Variants in COQ5 observed in about 807,000 individuals in gnomAD.
COQ5 encodes the protein coenzyme Q5, methyltransferase, also known as 2-methoxy-6-polyprenyl-1,4-benzoquinol methylase, mitochondrial.
COQ5 carries 27 observed loss-of-function variants against 40.5 expected under a neutral mutation model. The observed-to-expected ratio is 0.67, with a 90% CI of 0.49 to 0.92. The LOEUF is 0.92. COQ5 is among the 40% of genes least tolerant of loss of function. The pLI, the probability that COQ5 is intolerant of heterozygous loss-of-function variation, is 0.00. For missense variants in COQ5, 409 were observed against 406.4 expected (o/e 1.01, Z -0.06); for synonymous variants, 141 against 150.0 (o/e 0.94, Z 0.44).
chr12:120,508,395 A>G (rs1030673386), intron 4 of COQ5, among the ~76,000 whole-genome samples: 7 of 152,170 alleles, frequency 4.6e-5, no homozygotes, highest in African/African-American at 1.7e-4. Context: ...TCCAAACAAA[A>G]AAAAAGGAAA....
intron 1 of COQ5, chr12:120,522,767 T>C: frequency 1.5e-6 from 1 of 659,984 alleles, no homozygotes. Flanking sequence ...CCGACATAGC[T>C]TGAGCCCCTT....
At chr12:120,527,085 T>A (rs1160143348) in intron 1 of COQ5, 1 of 150,340 alleles carries the variant, frequency 6.7e-6, no homozygotes, top group African/African-American at 2.5e-5. Flanking sequence ...TTTATTAGAA[T>A]TTTTTTTCTT....
chr12:120,517,225 G>A (rs1424633115), intron 2 of COQ5, among the ~76,000 whole-genome samples: 2 of 151,850 alleles, frequency 1.3e-5, no homozygotes, highest in Admixed American at 6.6e-5. Flanking sequence ...GGTGGCAGGC[G>A]CCTGTTATCC....
intron 4 of COQ5, among the ~76,000 whole-genome samples, chr12:120,507,125 T>C (rs1336881309): frequency 6.6e-6 from 1 of 151,770 alleles, no homozygotes; most frequent in East Asian, 2.0e-4. Flanking sequence ...TGAGCTACTG[T>C]GCCCAGCACA....
At chr12:120,528,908 A>G in intron 1 of COQ5, 32 bp downstream of exon 1, 3 of 1,596,544 alleles carry the variant, frequency 1.9e-6, no homozygotes, top group Non-Finnish European at 2.6e-6. Context: ...GGACGGTCAG[A>G]TCCCTCCCAT....
chr12:120,514,678 G>C (rs1421663759), intron 3 of COQ5, among the ~76,000 whole-genome samples: 1 of 151,758 alleles, frequency 6.6e-6, no homozygotes, highest in Non-Finnish European at 1.5e-5. Flanking sequence ...GGGAGGCAGA[G>C]GTTGTAGTGA....
chr12:120,508,324 C>A (rs886701109), intron 4 of COQ5, among the ~76,000 whole-genome samples: 1 of 151,560 alleles, frequency 6.6e-6, no homozygotes, highest in Non-Finnish European at 1.5e-5. Context: ...TCTCAACTGG[C>A]TGCAGTGAGC....
chr12:120,527,568 ACTGT>A (rs902695468), intron 1 of COQ5, among the ~76,000 whole-genome samples: 2 of 152,128 alleles, frequency 1.3e-5, no homozygotes, highest in African/African-American at 4.8e-5. Context: ...CACAGCGAGG[ACTGT>A]CTGTACTGCA....
In COQ5 at chr12:120,516,874, A is replaced by G. The variant is rs193239972; in HGVS notation, c.353-86T>C. On this transcript the variant is annotated intron_variant, in intron 2 of 6. Transcript: ENST00000288532. ...AGCATTTCCTAAAACCCAAAGGGGT[A>G]ACAGAGGCACAGGAGTACCTGTGTT... 10 of 1,164,286 alleles carry G rather than the reference A, an allele frequency of 8.6e-6. No individual in the cohort carries two copies. The African/African-American group carries it at 1.4e-4, about 16-fold the overall frequency. 72.1% of individuals were successfully genotyped at this position (1,164,286 alleles called of 1,614,324 possible). A position where few individuals can be genotyped will look rare whatever the true frequency, so the allele number is the denominator to read the frequency against.
At chr12:120,522,533 GATTT>G (rs2137091381) in intron 1 of COQ5, 170 bp from the exon 2 acceptor site, 15 of 678,160 alleles carry the variant, frequency 2.2e-5, no homozygotes, top group Middle Eastern at 4.0e-4. Flanking sequence ...CCTCTTTATT[GATTT>G]ATTTTTTTTT....
At chr12:120,505,785 A>G (rs747673024) in intron 4 of COQ5, among the ~76,000 whole-genome samples, 8 of 151,862 alleles carry the variant, frequency 5.3e-5, no homozygotes, top group Admixed American at 3.9e-4. Flanking sequence ...CGAACTCCCA[A>G]TATCAGGTGG....
intron 3 of COQ5, among the ~76,000 whole-genome samples, chr12:120,513,211 A>G (rs1331107868): frequency 6.7e-6 from 1 of 149,700 alleles, no homozygotes; most frequent in African/African-American, 2.5e-5. Flanking sequence ...TTAAAAAAAA[A>G]AGTAGTTAAG....
intron 1 of COQ5, chr12:120,523,311 TG>T: frequency 3.7e-6 from 1 of 271,222 alleles, no homozygotes; most frequent in South Asian, 4.4e-5. Context: ...CACTCCCGCC[TG>T]GGCCACAGAG....
At chr12:120,510,511 G>A (rs376225082) in intron 3 of COQ5, among the ~76,000 whole-genome samples, 1 of 151,958 alleles carries the variant, frequency 6.6e-6, no homozygotes, top group Non-Finnish European at 1.5e-5. Context: ...ACGAGGTCTC[G>A]TCATCTTGCC....
chr12:120,525,233 A>G (rs564634114), intron 1 of COQ5, among the ~76,000 whole-genome samples: 12 of 151,600 alleles, frequency 7.9e-5, no homozygotes, highest in African/African-American at 2.7e-4. Context: ...CCGAATAGCT[A>G]CGATTACAGG....
chr12:120,518,729 T>C (rs778580632), intron 2 of COQ5, among the ~76,000 whole-genome samples: 4 of 152,032 alleles, frequency 2.6e-5, no homozygotes, highest in Admixed American at 6.6e-5. Context: ...CACGCCCAGC[T>C]AATTTTTGTA....
chr12:120,507,015 G>C (rs1318930468), intron 4 of COQ5, among the ~76,000 whole-genome samples: 3 of 151,870 alleles, frequency 2.0e-5, no homozygotes, highest in African/African-American at 7.3e-5. Context: ...TGTATTTTTA[G>C]TATAGACAGG....
At chr12:120,519,634 G>A (rs572061241) in intron 2 of COQ5, among the ~76,000 whole-genome samples, 121 of 152,238 alleles carry the variant, frequency 7.9e-4, no homozygotes, top group African/African-American at 2.8e-3. Flanking sequence ...ACTTTGGGAG[G>A]CTGAGGTGGG....
chr12:120,521,610 G>A (rs1055113964), intron 2 of COQ5, among the ~76,000 whole-genome samples: 3 of 150,072 alleles, frequency 2.0e-5, no homozygotes, highest in African/African-American at 4.9e-5. Context: ...CGGAGGTGGA[G>A]GTTGCAGTGG....
Sources: allele counts gnomAD v4.1 joint callset (sites outside exome capture counted in the v4.1 genomes callset), GRCh38; gene constraint gnomAD v4.1.1; transcripts MANE v1.5; gene names NCBI Gene and HGNC (gene_info 2026-07-23, HGNC 2026-07-21).